MPRIP: variants seen among roughly 807,000 people sequenced by gnomAD.
MPRIP encodes myosin phosphatase Rho interacting protein.
MPRIP carries 59 observed loss-of-function variants against 234.9 expected under a neutral mutation model. The observed-to-expected ratio is 0.25, with a 90% CI of 0.20 to 0.31. MPRIP has a LOEUF of 0.31. MPRIP is among the 10% of genes least tolerant of loss of function. MPRIP has a pLI of 1.00. For missense variants in MPRIP, 2,436 were observed against 3,071.0 expected (o/e 0.79, Z 4.89); for synonymous variants, 1,144 against 1,263.9 (o/e 0.91, Z 2.01).
Position 17,173,939 on chromosome 17 carries a change from G to A in MPRIP, c.6614G>A (p.Arg2205Gln), listed in dbSNP as rs775491663. Residue 2205 changes from arginine to glutamine, a missense_variant, in exon 19 of 24, where the codon CGG (arginine) becomes CAG (glutamine). By Grantham distance (43) the Arg-to-Gln change is conservative. Transcript: ENST00000651222. Reference sequence around the variant, plus strand: ...AGGGAGGAGCTGCAGTCGGTGCAGCGGGAACTGGAGGTCCTCTCGGAGCAG... The same window carrying A: ...AGGGAGGAGCTGCAGTCGGTGCAGCAGGAACTGGAGGTCCTCTCGGAGCAG... ...QYLEELQSVQ[R>Q]ELEVLSEQYS... 8 of 1,613,578 alleles carry A rather than the reference G, an allele frequency of 5.0e-6. No individual in the cohort carries two copies. The highest frequency in any genetic ancestry group is 4.5e-5 in the East Asian group (2 of 44,886).
chr17:17,164,728 A>G lies in MPRIP; in HGVS notation c.3137A>G (p.Lys1046Arg), dbSNP rs2045944912. 1 of 1,295,760 alleles carries G rather than the reference A, an allele frequency of 7.7e-7. No individual in the cohort carries two copies. The highest frequency in any genetic ancestry group is 1.0e-6 in the Non-Finnish European group (1 of 986,098). The allele number at this position is 1,295,760 out of a possible 1,614,324, so 80.3% of individuals were successfully genotyped here. ...LLQNLKEVED[K>R]ASAYEDQLQG... ...CAGAACCTAAAGGAAGTGGAAGACAAGGCCAGCGCCTATGAGGACCAGCTG... is the reference window on the plus strand; with the variant it reads ...CAGAACCTAAAGGAAGTGGAAGACAGGGCCAGCGCCTATGAGGACCAGCTG... Residue 1046 changes from lysine to arginine, a missense_variant, in exon 16 of 24, where the codon AAG (lysine) becomes AGG (arginine). This residue lies in a region of MPRIP where 1,998 missense variants were observed against 2,520.3 expected (regional missense o/e 0.79). Transcript: ENST00000651222.
At chr17:17,120,983 T>G (rs1597838442) in intron 3 of MPRIP, among the ~76,000 whole-genome samples, 2 of 152,086 alleles carry the variant, frequency 1.3e-5, no homozygotes, top group East Asian at 3.9e-4. Flanking sequence ...CCTGGAGCCA[T>G]TGGTTGAGTC....
intron 23 of MPRIP, chr17:17,180,766 A>G: frequency 7.9e-7 from 1 of 1,270,816 alleles, no homozygotes. Context: ...CTGCTCCAAC[A>G]AACACATACC....
chr17:17,117,839 C>T (rs1555573793), intron 3 of MPRIP, among the ~76,000 whole-genome samples: 1 of 152,202 alleles, frequency 6.6e-6, no homozygotes, highest in Non-Finnish European at 1.5e-5. Context: ...TATTTACTAC[C>T]ATTTTACATT....
intron 1 of MPRIP, among the ~76,000 whole-genome samples, chr17:17,052,853 C>G (rs2088583660): frequency 6.6e-6 from 1 of 152,330 alleles, no homozygotes; most frequent in Admixed American, 6.5e-5. Flanking sequence ...TAGCTTTGTC[C>G]TTGATCTCTG....
rs1480943450 is a variant in MPRIP, at chr17:17,191,989, GCTC to G, written c.*7099_*7101del. On this transcript the variant is annotated 3_prime_UTR_variant, in exon 24 of 24. Coordinates refer to ENST00000651222, the MANE Select transcript of MPRIP (RefSeq NM_001364716.4). Reference sequence around the variant, plus strand: ...ATAAAAGGTAGAAAGCATCCAAGTGGCTCCTCAACAATTACAATTCTTAATGAT... The same window carrying G: ...ATAAAAGGTAGAAAGCATCCAAGTGGCTCAACAATTACAATTCTTAATGAT... 1 of 152,102 alleles carries G rather than the reference GCTC, an allele frequency of 6.6e-6. No homozygotes were observed. The highest frequency in any genetic ancestry group is 1.5e-5 in the Non-Finnish European group (1 of 68,018). 9.4% of individuals were successfully genotyped at this position (152,102 alleles called of 1,614,324 possible).
intron 11 of MPRIP, among the ~76,000 whole-genome samples, chr17:17,148,389 C>T (rs917428850): frequency 4.6e-5 from 7 of 152,212 alleles, no homozygotes; most frequent in African/African-American, 1.4e-4. Flanking sequence ...GTGTGACCAT[C>T]TGCACTGATG....
intron 3 of MPRIP, among the ~76,000 whole-genome samples, chr17:17,123,678 T>C (rs1023299748): frequency 8.0e-6 from 1 of 125,612 alleles, no homozygotes; most frequent in Non-Finnish European, 1.5e-5. Flanking sequence ...CACTCCAGCC[T>C]GGGCAACAGA....
Position 17,191,819 on chromosome 17 carries a change from A to G in MPRIP, c.*6925A>G, listed in dbSNP as rs2046592553. 1 of 152,228 alleles carries G rather than the reference A, an allele frequency of 6.6e-6. No homozygotes were observed. Among genetic ancestry groups the G allele is most frequent in the Non-Finnish European group, 1.5e-5 (1 of 68,034 alleles). 9.4% of individuals were successfully genotyped at this position (152,228 alleles called of 1,614,324 possible). A position where few individuals can be genotyped will look rare whatever the true frequency, so the allele number is the denominator to read the frequency against. On this transcript the variant is annotated 3_prime_UTR_variant, in exon 24 of 24. Transcript: ENST00000651222. Reference sequence around the variant, plus strand: ...CTCAGTTCACTACTGTGTTACATTTATATCACAAGCTTCAATTAAAATGGA... The same window carrying G: ...CTCAGTTCACTACTGTGTTACATTTGTATCACAAGCTTCAATTAAAATGGA...
chr17:17,118,615 C>A (rs569368982), intron 3 of MPRIP, among the ~76,000 whole-genome samples: 1 of 152,270 alleles, frequency 6.6e-6, no homozygotes, highest in South Asian at 2.1e-4. Flanking sequence ...CCAGGACTGG[C>A]GGTGACGACT....
chr17:17,186,673 C>G lies in MPRIP; in HGVS notation c.*1779C>G, dbSNP rs1449335137. 6.6e-6 allele frequency: 1 copy of G among 152,192 alleles called. No individual in the cohort carries two copies. 9.4% of individuals were successfully genotyped at this position (152,192 alleles called of 1,614,324 possible). Reference sequence around the variant, plus strand: ...GGTCGAGGCTGCAATCAGTCATGATCGTGTCACTGCACTCCAGCCTGGGTG... The same window carrying G: ...GGTCGAGGCTGCAATCAGTCATGATGGTGTCACTGCACTCCAGCCTGGGTG... On this transcript the variant is annotated 3_prime_UTR_variant, in exon 24 of 24. Transcript: ENST00000651222.
intron 3 of MPRIP, among the ~76,000 whole-genome samples, chr17:17,084,197 C>T (rs1413837208): frequency 6.6e-6 from 1 of 152,164 alleles, no homozygotes; most frequent in African/African-American, 2.4e-5. Context: ...GTTGAGAGGA[C>T]ACTAGGCCAT....
At chr17:17,072,187 A>C (rs2144015646) in intron 1 of MPRIP, among the ~76,000 whole-genome samples, 1 of 152,310 alleles carries the variant, frequency 6.6e-6, no homozygotes, top group East Asian at 1.9e-4. Flanking sequence ...AGGATGCAGC[A>C]GTTTTAGATA....
Position 17,126,774 on chromosome 17 carries a change from G to A in MPRIP, c.340G>A (p.Gly114Ser). 6.2e-7 allele frequency: 1 copy of A among 1,614,214 alleles called. No homozygotes were observed. The highest frequency in any genetic ancestry group is 8.5e-7 in the Non-Finnish European group (1 of 1,180,032). The change falls in exon 4 of 24, where the codon GGC becomes AGC. Residue 114 changes from glycine to serine, a missense_variant. Physicochemically the swap from Gly to Ser is moderately conservative, Grantham distance 56. Transcript: ENST00000651222. ...TDVVDGEGRT[G>S]QKFSLCILTP... is the part of the protein sequence containing the mutation. ...TGTGGTGGATGGGGAGGGCCGCACG[G>A]GCCAGAAGTTCTCCCTGTGTATTCT...
At chr17:17,103,386 G>A (rs2090001763) in intron 3 of MPRIP, among the ~76,000 whole-genome samples, 1 of 152,240 alleles carries the variant, frequency 6.6e-6, no homozygotes, top group Non-Finnish European at 1.5e-5. Flanking sequence ...AGGGTATCTT[G>A]CAGTGGCTCT....
At chr17:17,147,137 G>C (rs920587356) in intron 10 of MPRIP, among the ~76,000 whole-genome samples, 182 bp from the exon 11 acceptor site, 5 of 151,632 alleles carry the variant, frequency 3.3e-5, no homozygotes, top group African/African-American at 1.2e-4. Context: ...GGGTGTGAGC[G>C]CATGGCTGCC....
At chr17:17,126,902 C>T in intron 4 of MPRIP, 49 bp downstream of exon 4, 1 of 1,590,886 alleles carries the variant, frequency 6.3e-7, no homozygotes, top group Non-Finnish European at 8.6e-7. Flanking sequence ...TGCCACAGGG[C>T]CAACACCAGA....
intron 19 of MPRIP, among the ~76,000 whole-genome samples, chr17:17,174,820 G>A (rs535133592): frequency 6.6e-6 from 1 of 151,272 alleles, no homozygotes; most frequent in Non-Finnish European, 1.5e-5. Flanking sequence ...AAAAAGATTT[G>A]CTTGCTCCTT....
chr17:17,130,723 G>A (rs1301237617), intron 4 of MPRIP, among the ~76,000 whole-genome samples: 1 of 152,026 alleles, frequency 6.6e-6, no homozygotes, highest in Non-Finnish European at 1.5e-5. Flanking sequence ...CAGGCCCAGG[G>A]CTGGAGCTGG....
Sources: gnomAD v4.1 joint callset for allele counts (sites outside exome capture counted in the v4.1 genomes callset) on GRCh38, gnomAD v4.1.1 for gene constraint, gnomAD v4.1.1 regional missense constraint, MANE v1.5 for transcripts, NCBI Gene and HGNC (gene_info 2026-07-23, HGNC 2026-07-21) for gene names.